The following CPEB1 variants were observed in gnomAD, a reference collection of about 807,000 sequenced individuals.
The protein encoded by CPEB1 is cytoplasmic polyadenylation element-binding protein 1.
Under a neutral mutation model 65.8 loss-of-function variants are expected in CPEB1, and 7 were observed. The ratio of observed to expected loss-of-function variants is 0.11; its 90% CI spans 0.06 to 0.20. CPEB1 has a LOEUF of 0.20. Among genes scored for constraint, CPEB1 ranks in the 10% least tolerant of loss-of-function variants. The pLI is 1.00. For missense variants in CPEB1, 551 were observed against 712.2 expected (o/e 0.77, Z 2.58); for synonymous variants, 262 against 260.0 (o/e 1.01, Z -0.08).
At chr15:82,575,955 T>C (rs2040600706) in intron 3 of CPEB1, among the ~76,000 whole-genome samples, 1 of 152,192 alleles carries the variant, frequency 6.6e-6, no homozygotes. Flanking sequence ...TATTATCTTA[T>C]GACCCAGAAA....
intron 1 of CPEB1, chr15:82,638,649 A>G (rs1044951838): frequency 2.0e-5 from 3 of 152,218 alleles, no homozygotes; most frequent in Non-Finnish European, 4.4e-5. Flanking sequence ...TAAAGAAAAA[A>G]AAGGTTTTCA....
intron 1 of CPEB1, chr15:82,638,632 C>A (rs1243096365): frequency 6.6e-6 from 1 of 151,920 alleles, no homozygotes; most frequent in African/African-American, 2.4e-5. Context: ...GTTAGTTGTT[C>A]TTCTGGTAAA....
intron 3 of CPEB1, among the ~76,000 whole-genome samples, chr15:82,617,271 C>A (rs1301636098): frequency 6.6e-6 from 1 of 152,216 alleles, no homozygotes; most frequent in Non-Finnish European, 1.5e-5. Context: ...AGCAGTACTC[C>A]TTTGCATTTG....
At chr15:82,637,899 A>G (rs1325787608) in intron 1 of CPEB1, 1 of 414,672 alleles carries the variant, frequency 2.4e-6, no homozygotes, top group Non-Finnish European at 4.9e-6. Context: ...CCCATTAGAA[A>G]TTAAAAAGGG....
At chr15:82,622,054 C>G (rs147722054) in intron 3 of CPEB1, among the ~76,000 whole-genome samples, 386 of 152,306 alleles carry the variant, frequency 2.5e-3, no homozygotes, top group African/African-American at 8.8e-3. Flanking sequence ...CCGTTACTAA[C>G]AACTCAACAC....
At chr15:82,579,219 T>C (rs1449260349) in intron 3 of CPEB1, among the ~76,000 whole-genome samples, 4 of 152,092 alleles carry the variant, frequency 2.6e-5, no homozygotes, top group South Asian at 2.1e-4. Flanking sequence ...CCCAACACTT[T>C]AGGGGGCTAA....
At chr15:82,625,692 G>T (rs1894181839) in intron 3 of CPEB1, among the ~76,000 whole-genome samples, 1 of 152,132 alleles carries the variant, frequency 6.6e-6, no homozygotes, top group Non-Finnish European at 1.5e-5. Context: ...CATGTAAGTG[G>T]ACCTGCACAG....
chr15:82,609,060 C>T (rs551419118), intron 3 of CPEB1, among the ~76,000 whole-genome samples: 2 of 152,188 alleles, frequency 1.3e-5, no homozygotes, highest in African/African-American at 2.4e-5. Flanking sequence ...ATTCTCAAAA[C>T]GTGGAAATTA....
intron 4 of CPEB1, among the ~76,000 whole-genome samples, chr15:82,570,475 G>T (rs905122628): frequency 6.8e-5 from 10 of 147,058 alleles, no homozygotes; most frequent in African/African-American, 2.5e-4. Flanking sequence ...TATGTAGCTT[G>T]TAAGTATACC....
chr15:82,575,956 G>A (rs1252466933), intron 3 of CPEB1, among the ~76,000 whole-genome samples: 1 of 152,086 alleles, frequency 6.6e-6, no homozygotes, highest in African/African-American at 2.4e-5. Context: ...ATTATCTTAT[G>A]ACCCAGAAAT....
intron 3 of CPEB1, among the ~76,000 whole-genome samples, chr15:82,610,518 A>T (rs1003352299): frequency 6.6e-6 from 1 of 151,990 alleles, no homozygotes; most frequent in Non-Finnish European, 1.5e-5. Flanking sequence ...TTGGTTCATT[A>T]TAAGAAAAAA....
intron 3 of CPEB1, among the ~76,000 whole-genome samples, chr15:82,614,339 T>C (rs1297716936): frequency 6.6e-6 from 1 of 152,214 alleles, no homozygotes; most frequent in Non-Finnish European, 1.5e-5. Flanking sequence ...GTAGTGGTTA[T>C]GTGGGTGTCT....
At chr15:82,610,791 C>G (rs928502569) in intron 3 of CPEB1, among the ~76,000 whole-genome samples, 1 of 151,156 alleles carries the variant, frequency 6.6e-6, no homozygotes, top group Admixed American at 6.6e-5. Flanking sequence ...AATCCCATCT[C>G]TACTAAAAAT....
At chr15:82,598,388 G>T (rs2042832682) in intron 3 of CPEB1, among the ~76,000 whole-genome samples, 1 of 152,054 alleles carries the variant, frequency 6.6e-6, no homozygotes, top group African/African-American at 2.4e-5. Flanking sequence ...CAGCTACTAG[G>T]GAGGCTGAAG....
intron 3 of CPEB1, among the ~76,000 whole-genome samples, chr15:82,586,833 C>T (rs1470798889): frequency 6.6e-6 from 1 of 152,194 alleles, no homozygotes; most frequent in African/African-American, 2.4e-5. Flanking sequence ...CCTTTGTTAA[C>T]ATTTTAAAGA....
Position 82,575,379 on chromosome 15 carries a change from T to C in CPEB1, c.272-3847A>G, listed in dbSNP as rs145665949. Reference sequence around the variant, plus strand: ...CAAAGCCTCTCTAAGAACCTATCTTTGTAACTTGGTAGGGGAGGGGGAGTA... The same window carrying C: ...CAAAGCCTCTCTAAGAACCTATCTTCGTAACTTGGTAGGGGAGGGGGAGTA... On this transcript the variant is annotated intron_variant, in intron 3 of 12. Coordinates refer to ENST00000684509, the MANE Select transcript of CPEB1 (RefSeq NM_001365242.1). 5.0e-4 allele frequency among the ~76,000 whole-genome samples: 76 copies of C among 152,330 alleles called. 1 individual carries two copies. The East Asian group carries it at 0.014, about 28-fold the overall frequency.
chr15:82,571,945 G>A lies in CPEB1; in HGVS notation c.272-413C>T, dbSNP rs1269414939. The A allele has an allele frequency of 6.5e-6, 5 of 765,612 alleles. No individual in the cohort carries two copies. The Admixed American group carries it at 1.7e-4, about 27-fold the overall frequency. The allele number at this position is 765,612 out of a possible 1,614,324, so 47.4% of individuals were successfully genotyped here. On this transcript the variant is annotated intron_variant, in intron 3 of 12. Transcript: ENST00000684509. The stretch of plus-strand genomic sequence containing the variant: ...ACAACAGCTACTTGGAATAGTCCCG[G>A]TGCAGTGCCGTTAAGTCTGGGTTGC...
intron 3 of CPEB1, among the ~76,000 whole-genome samples, chr15:82,623,001 G>A (rs934203711): frequency 6.6e-6 from 1 of 152,180 alleles, no homozygotes; most frequent in African/African-American, 2.4e-5. Flanking sequence ...GTAAGCCCTG[G>A]CGGGAGGTAT....
intron 3 of CPEB1, among the ~76,000 whole-genome samples, chr15:82,601,207 G>A (rs1437887831): frequency 6.7e-6 from 1 of 148,388 alleles, no homozygotes; most frequent in Non-Finnish European, 1.5e-5. Context: ...CGTGCTTGGG[G>A]GTACAACTTG....
Sources: gnomAD v4.1 joint callset for allele counts (sites outside exome capture counted in the v4.1 genomes callset) on GRCh38, gnomAD v4.1.1 for gene constraint, MANE v1.5 for transcripts, NCBI Gene and HGNC (gene_info 2026-07-23, HGNC 2026-07-21) for gene names.